C2CD5: variants seen among roughly 807,000 people sequenced by gnomAD.
C2CD5 encodes C2 calcium dependent domain containing 5, also known as C2 domain-containing protein 5.
C2CD5 carries 109 observed loss-of-function variants against 130.3 expected under a neutral mutation model. The ratio of observed to expected loss-of-function variants is 0.84; its 90% CI spans 0.72 to 0.98. The LOEUF (loss-of-function observed/expected upper bound fraction) is 0.98. Ranked by LOEUF, C2CD5 falls within the 50% of genes least tolerant of loss-of-function variation. The pLI, the probability that C2CD5 is intolerant of heterozygous loss-of-function variation, is 0.00. For synonymous variants in C2CD5, 454 were observed against 429.2 expected, an observed-to-expected ratio of 1.06 and a Z score of -0.71; for missense variants, 996 against 1,261.8, an observed-to-expected ratio of 0.79 and a Z score of 3.19.
intron 8 of C2CD5, among the ~76,000 whole-genome samples, chr12:22,515,848 G>A (rs914979417): frequency 6.6e-6 from 1 of 151,442 alleles, no homozygotes; most frequent in Admixed American, 6.6e-5. Flanking sequence ...TAAAAGACTG[G>A]CTAAAAAAAA....
chr12:22,511,054 C>T (rs1949132100), intron 9 of C2CD5, among the ~76,000 whole-genome samples: 1 of 151,910 alleles, frequency 6.6e-6, no homozygotes, highest in South Asian at 2.1e-4. Context: ...CTCTATTTCT[C>T]ATCTCCCGAA....
At chr12:22,508,981 A>G (rs1484655945) in intron 9 of C2CD5, among the ~76,000 whole-genome samples, 1 of 149,364 alleles carries the variant, frequency 6.7e-6, no homozygotes, top group African/African-American at 2.5e-5. Flanking sequence ...GGTTCACGCC[A>G]TTCTCCTGCC....
At chr12:22,487,535 T>C (rs1945705276) in intron 12 of C2CD5, among the ~76,000 whole-genome samples, 1 of 152,110 alleles carries the variant, frequency 6.6e-6, no homozygotes, top group Non-Finnish European at 1.5e-5. Context: ...TGGTGATCAT[T>C]AAAAAGTCAG....
chr12:22,520,411 T>C (rs1000118888), intron 7 of C2CD5, among the ~76,000 whole-genome samples: 3 of 152,170 alleles, frequency 2.0e-5, no homozygotes, highest in Non-Finnish European at 4.4e-5. Context: ...CTGATCATAA[T>C]AGTCCTTCCT....
intron 8 of C2CD5, chr12:22,515,093 CAA>C (rs1565770675): frequency 4.0e-5 from 39 of 984,944 alleles, no homozygotes; most frequent in East Asian, 1.1e-4. Flanking sequence ...AAGGGAACCA[CAA>C]GAGAGAGAGG....
At chr12:22,486,640 T>C (rs2136365909) in intron 12 of C2CD5, among the ~76,000 whole-genome samples, 1 of 152,274 alleles carries the variant, frequency 6.6e-6, no homozygotes, top group African/African-American at 2.4e-5. Context: ...TAACATCCTA[T>C]ACAAATGAAT....
chr12:22,507,316 G>A (rs1948674238), intron 9 of C2CD5, among the ~76,000 whole-genome samples: 1 of 152,176 alleles, frequency 6.6e-6, no homozygotes, highest in Non-Finnish European at 1.5e-5. Flanking sequence ...AAGCAGTGTG[G>A]GTTAAGAGAA....
At chr12:22,507,091 T>C (rs536142804) in intron 9 of C2CD5, 3 of 277,394 alleles carry the variant, frequency 1.1e-5, no homozygotes, top group African/African-American at 4.4e-5. Flanking sequence ...TTTAAGATAT[T>C]TGAAACACAC....
intron 26 of C2CD5, among the ~76,000 whole-genome samples, chr12:22,453,405 A>G (rs560812008): frequency 4.7e-4 from 72 of 152,324 alleles, no homozygotes; most frequent in African/African-American, 1.6e-3. Flanking sequence ...TAAGTGAATT[A>G]TCTTAACACA....
At chr12:22,507,156 A>G (rs960170254) in intron 9 of C2CD5, among the ~76,000 whole-genome samples, 3 of 150,270 alleles carry the variant, frequency 2.0e-5, no homozygotes, top group Non-Finnish European at 4.4e-5. Context: ...AGATGAGGGA[A>G]CTGCCCTATC....
At chr12:22,458,611 G>GA (rs1252245944) in intron 23 of C2CD5, 26 bp from the exon 24 acceptor site, 9 of 1,118,640 alleles carry the variant, frequency 8.0e-6, no homozygotes, top group Middle Eastern at 2.2e-4. Context: ...GAAAACAAAA[G>GA]AAAAAAACAA....
chr12:22,502,631 A>G (rs1373857968), intron 10 of C2CD5: 1 of 610,182 alleles, frequency 1.6e-6, no homozygotes, highest in Non-Finnish European at 2.9e-6. Flanking sequence ...TATTATCTGT[A>G]TAACTGAATT....
chr12:22,519,336 G>A, intron 7 of C2CD5: 18 of 1,009,716 alleles, frequency 1.8e-5, no homozygotes, highest in South Asian at 4.8e-5. Flanking sequence ...CTTTAGTCAG[G>A]GAAGAGAACT....
chr12:22,540,711 T>C (rs1263349328), intron 2 of C2CD5, among the ~76,000 whole-genome samples: 2 of 152,014 alleles, frequency 1.3e-5, no homozygotes, highest in African/African-American at 2.4e-5. Flanking sequence ...ATACAAAAAT[T>C]AGCTGGGCGC....
chr12:22,524,827 G>A (rs1346292974), intron 5 of C2CD5, among the ~76,000 whole-genome samples, 200 bp from the exon 6 acceptor site: 1 of 152,012 alleles, frequency 6.6e-6, no homozygotes, highest in Non-Finnish European at 1.5e-5. Flanking sequence ...CTTTCATGGA[G>A]GCTCTCACCT....
In C2CD5 at chr12:22,449,393, T is replaced by G. The variant is rs916099625; in HGVS notation, c.*367A>C. 3.7e-5 allele frequency: 6 copies of G among 160,358 alleles called. No individual in the cohort carries two copies. The highest frequency in any genetic ancestry group is 1.4e-4 in the African/African-American group (6 of 41,742). 9.9% of individuals were successfully genotyped at this position (160,358 alleles called of 1,614,324 possible). On this transcript the variant is annotated 3_prime_UTR_variant, in exon 27 of 27. Transcript: ENST00000446597. ...CACTAGCAACTGGAGAATCTCTTGC[T>G]TAGTTTTTCTAAATTATACTAGAGT... is the stretch of plus-strand genomic sequence containing the variant.
chr12:22,513,148 C>T (rs12298399), intron 9 of C2CD5, 146 bp downstream of exon 9: 7,508 of 498,288 alleles, frequency 0.015, 491 homozygotes, highest in African/African-American at 0.13. Context: ...ATTACTTTGA[C>T]ACCTTAAATC....
intron 14 of C2CD5, among the ~76,000 whole-genome samples, chr12:22,481,363 G>C (rs1042871645): frequency 2.0e-5 from 3 of 152,120 alleles, no homozygotes; most frequent in Admixed American, 6.6e-5. Context: ...GATGGCAAGA[G>C]AATTCAAATT....
In C2CD5 at chr12:22,448,707, T is replaced by A; in HGVS notation, c.*1053A>T. 6.6e-6 allele frequency: 1 copy of A among 152,528 alleles called. No homozygotes were observed. Among genetic ancestry groups the A allele is most frequent in the East Asian group, 1.9e-4 (1 of 5,196 alleles). 9.4% of individuals were successfully genotyped at this position (152,528 alleles called of 1,614,324 possible). A position where few individuals can be genotyped will look rare whatever the true frequency, so the allele number is the denominator to read the frequency against. On this transcript the variant is annotated 3_prime_UTR_variant, in exon 27 of 27. Coordinates refer to ENST00000446597, the MANE Select transcript of C2CD5 (RefSeq NM_001286176.2). Reference sequence around the variant, plus strand: ...TTTGTTGTCCTGGGGGAAAAAATCATAAGTGTTATAAAGAAATATTATTGT... The same window carrying A: ...TTTGTTGTCCTGGGGGAAAAAATCAAAAGTGTTATAAAGAAATATTATTGT...
Sources: allele counts gnomAD v4.1 joint callset (sites outside exome capture counted in the v4.1 genomes callset), GRCh38; gene constraint gnomAD v4.1.1; transcripts MANE v1.5; gene names NCBI Gene and HGNC (gene_info 2026-07-23, HGNC 2026-07-21).